EYS: variants seen among roughly 807,000 people sequenced by gnomAD.
The protein encoded by EYS is protein eyes shut homolog.
EYS carries 250 observed loss-of-function variants against 282.1 expected under a neutral mutation model. That is an observed-to-expected ratio of 0.89 (90% CI 0.80 to 0.98). The LOEUF is 0.98. Ranked by LOEUF, EYS falls within the 50% of genes least tolerant of loss-of-function variation. The pLI, the probability that EYS is intolerant of heterozygous loss-of-function variation, is 0.00. For synonymous variants in EYS, 1,355 were observed against 1,282.9 expected, an observed-to-expected ratio of 1.06 and a Z score of -1.20; for missense variants, 4,016 against 3,709.0, an observed-to-expected ratio of 1.08 and a Z score of -2.15.
chr6:64,227,700 A>G (rs2150336510), intron 31 of EYS, among the ~76,000 whole-genome samples: 1 of 152,222 alleles, frequency 6.6e-6, no homozygotes, highest in African/African-American at 2.4e-5. Flanking sequence ...GACTCTTCAC[A>G]ATAATATTAT....
intron 26 of EYS, among the ~76,000 whole-genome samples, chr6:64,495,549 G>A (rs770610974): frequency 6.6e-6 from 1 of 151,724 alleles, no homozygotes; most frequent in African/African-American, 2.4e-5. Flanking sequence ...ATGAGAAATC[G>A]AGCAAATTAG....
chr6:64,891,775 A>G (rs1435893790), intron 18 of EYS, among the ~76,000 whole-genome samples: 2 of 152,106 alleles, frequency 1.3e-5, no homozygotes, highest in Non-Finnish European at 2.9e-5. Flanking sequence ...TTCCTTTGAT[A>G]AAACTCAATA....
At chr6:65,318,305 C>A (rs1210091218) in intron 11 of EYS, among the ~76,000 whole-genome samples, 1 of 151,678 alleles carries the variant, frequency 6.6e-6, no homozygotes, top group Non-Finnish European at 1.5e-5. Context: ...GACAAAGACA[C>A]AAAGAGACAG....
At chr6:64,321,273 G>T (rs1465543767) in intron 29 of EYS, among the ~76,000 whole-genome samples, 2 of 151,332 alleles carry the variant, frequency 1.3e-5, no homozygotes, top group Non-Finnish European at 3.0e-5. Context: ...TTACTTTATT[G>T]CTCTCCTATG....
At chr6:64,233,514 C>G (rs1381163078) in intron 30 of EYS, among the ~76,000 whole-genome samples, 1 of 151,974 alleles carries the variant, frequency 6.6e-6, no homozygotes, top group Non-Finnish European at 1.5e-5. Context: ...TTAAACATAA[C>G]TAGATGTTGG....
At chr6:65,012,040 C>T (rs559887003) in intron 13 of EYS, among the ~76,000 whole-genome samples, 2 of 152,290 alleles carry the variant, frequency 1.3e-5, no homozygotes, top group South Asian at 2.1e-4. Flanking sequence ...AGGTTGCTAT[C>T]ACTGTAAGCT....
rs201265356 is a variant in EYS, at chr6:64,462,944, T to TTTG, written c.5645-23593_5645-23592insCAA. 4.2e-3 allele frequency among the ~76,000 whole-genome samples: 492 copies of TTTG among 117,616 alleles called. 15 individuals carry two copies. In the East Asian group the frequency reaches 0.045, roughly 11 times the overall value. 77.2% of individuals were successfully genotyped at this position (117,616 alleles called of 152,430 possible). The stretch of plus-strand genomic sequence containing the variant: ...AGTATAGCTTATTCTCAGCTTTAAT[T>TTTG]TTTTTTTTTTTTTTTTTTTGAGATG... On this transcript the variant is annotated intron_variant, in intron 26 of 42. Coordinates refer to ENST00000503581, the MANE Select transcript of EYS (RefSeq NM_001142800.2).
chr6:64,777,903 T>C (rs144171579), intron 22 of EYS, among the ~76,000 whole-genome samples: 1 of 152,274 alleles, frequency 6.6e-6, no homozygotes, highest in East Asian at 1.9e-4. Context: ...AATATTACAG[T>C]ATCATAGATA....
intron 28 of EYS, among the ~76,000 whole-genome samples, chr6:64,399,928 T>C (rs922430926): frequency 2.0e-5 from 3 of 151,924 alleles, no homozygotes; most frequent in Non-Finnish European, 4.4e-5. Context: ...CTCTCTCAAA[T>C]AGTATTAGCT....
intron 31 of EYS, among the ~76,000 whole-genome samples, chr6:64,191,476 T>TCCCCCCCCCCCCC (rs542212151): frequency 7.2e-6 from 1 of 139,162 alleles, no homozygotes; most frequent in Non-Finnish European, 1.5e-5. Flanking sequence ...GTGCTATCCC[T>TCCCCCCCCCCCCC]TCCCCCCCCA....
intron 23 of EYS, 21 bp downstream of exon 23, chr6:64,626,100 T>A: frequency 2.1e-6 from 3 of 1,397,698 alleles, no homozygotes; most frequent in Non-Finnish European, 3.0e-6. Flanking sequence ...GCAGTATGCT[T>A]ATTATTTTTA....
rs1766427257 is a variant in EYS, at chr6:64,591,974, C to T, written c.3893G>A (p.Gly1298Asp). 1 of 1,492,440 alleles carries T rather than the reference C, an allele frequency of 6.7e-7. No homozygotes were observed. The highest frequency in any genetic ancestry group is 2.5e-5 in the East Asian group (1 of 40,234). The allele number at this position is 1,492,440 out of a possible 1,614,324, so 92.4% of individuals were successfully genotyped here. Residue 1298 changes from glycine to aspartate, a missense_variant, in exon 26 of 43, where the codon GGC becomes GAC. Coordinates refer to ENST00000503581, the MANE Select transcript of EYS (RefSeq NM_001142800.2). ...YPVDQGPKQT[G>D]IVKHDILPTT... The stretch of plus-strand genomic sequence containing the variant: ...TGGGAGAATGTCGTGCTTGACAATG[C>T]CTGTCTGTTTTGGACCTACAAAAAG...
intron 2 of EYS, among the ~76,000 whole-genome samples, chr6:65,516,942 C>T (rs1320076041): frequency 1.3e-5 from 2 of 151,928 alleles, no homozygotes; most frequent in Non-Finnish European, 2.9e-5. Context: ...ACACACTTTT[C>T]AACTATGACA....
chr6:64,288,224 T>C (rs1045853324), intron 30 of EYS, among the ~76,000 whole-genome samples: 1 of 152,092 alleles, frequency 6.6e-6, no homozygotes, highest in Non-Finnish European at 1.5e-5. Flanking sequence ...CATTTTAATG[T>C]TTTTTTCCTG....
At chr6:64,055,781 C>A (rs1770963967) in intron 33 of EYS, among the ~76,000 whole-genome samples, 1 of 152,126 alleles carries the variant, frequency 6.6e-6, no homozygotes, top group Non-Finnish European at 1.5e-5. Flanking sequence ...CAGTAGAACA[C>A]AGAGAACAGT....
At chr6:64,243,480 G>A (rs996367986) in intron 30 of EYS, among the ~76,000 whole-genome samples, 2 of 152,124 alleles carry the variant, frequency 1.3e-5, no homozygotes, top group Non-Finnish European at 2.9e-5. Flanking sequence ...TAGCTCCTGA[G>A]GTCCCCTTGG....
intron 14 of EYS, among the ~76,000 whole-genome samples, chr6:64,989,649 A>C (rs2150121624): frequency 6.9e-6 from 1 of 144,650 alleles, no homozygotes; most frequent in Non-Finnish European, 1.5e-5. Flanking sequence ...ACATAATTAT[A>C]AAAATTATAT....
chr6:64,586,376 AT>A (rs1020112365), intron 26 of EYS, among the ~76,000 whole-genome samples: 2 of 152,040 alleles, frequency 1.3e-5, no homozygotes, highest in Non-Finnish European at 2.9e-5. Flanking sequence ...CACTTAATGC[AT>A]TTTTTCCATA....
At chr6:64,764,721 C>G (rs1174239516) in intron 22 of EYS, among the ~76,000 whole-genome samples, 2 of 152,162 alleles carry the variant, frequency 1.3e-5, no homozygotes, top group Non-Finnish European at 2.9e-5. Flanking sequence ...CTTTTATGCA[C>G]TGTTCCCTTT....
Sources: allele counts gnomAD v4.1 joint callset (sites outside exome capture counted in the v4.1 genomes callset), GRCh38; gene constraint gnomAD v4.1.1; transcripts MANE v1.5; gene names NCBI Gene and HGNC (gene_info 2026-07-23, HGNC 2026-07-21).